Variants in ZNF536 observed in about 807,000 individuals in gnomAD.
ZNF536 encodes zinc finger protein 536.
ZNF536 carries 13 observed loss-of-function variants against 84.5 expected under a neutral mutation model. The observed-to-expected ratio is 0.15, with a 90% CI of 0.10 to 0.24. The LOEUF is 0.24. ZNF536 is among the 10% of genes least tolerant of loss of function. ZNF536 has a pLI of 1.00. For synonymous variants in ZNF536, 811 were observed against 742.5 expected (o/e 1.09, Z -1.50); for missense variants, 1,536 against 1,747.5 (o/e 0.88, Z 2.16).
chr19:30,661,359 A>G (rs1288668387), intron 1 of ZNF536, among the ~76,000 whole-genome samples: 1 of 152,212 alleles, frequency 6.6e-6, no homozygotes, highest in Non-Finnish European at 1.5e-5. Flanking sequence ...GATATAAGTC[A>G]GCAGATGCAA....
At chr19:30,686,585 C>T (rs1205366849) in intron 1 of ZNF536, among the ~76,000 whole-genome samples, 1 of 152,222 alleles carries the variant, frequency 6.6e-6, no homozygotes, top group Non-Finnish European at 1.5e-5. Context: ...GCCTGCTCTT[C>T]GTCCTCCCTC....
intron 1 of ZNF536, among the ~76,000 whole-genome samples, chr19:30,404,734 C>A (rs8111314): frequency 7.9e-5 from 12 of 151,296 alleles, no homozygotes; most frequent in African/African-American, 2.4e-4. Context: ...TGTCCGGAGG[C>A]GGGGGGGCTC....
At chr19:30,635,168 T>G (rs1360548926) in intron 1 of ZNF536, among the ~76,000 whole-genome samples, 1 of 152,092 alleles carries the variant, frequency 6.6e-6, no homozygotes, top group Admixed American at 6.5e-5. Flanking sequence ...CTTGTCTGGT[T>G]TGCCAAACGT....
chr19:30,228,800 G>T lies in ZNF536; in HGVS notation c.-190+127G>T, dbSNP rs1373085710. ...GGGCGGCTGGGCGGCTGGGCGGCGGGAGGACGGCCTCCGCGGGCTCCGGGA... is the reference window on the plus strand; with the variant it reads ...GGGCGGCTGGGCGGCTGGGCGGCGGTAGGACGGCCTCCGCGGGCTCCGGGA... On this transcript the variant is annotated intron_variant, in intron 1 of 5. Coordinates refer to the ZNF536 transcript ENST00000585628. The surrounding 1 kb of genome is among the most constrained non-coding windows in gnomAD (Gnocchi z 4.5). 2.6e-5 allele frequency: 4 copies of T among 151,210 alleles called. No homozygotes were observed. The highest frequency in any genetic ancestry group is 5.9e-5 in the Non-Finnish European group (4 of 67,764). The allele number at this position is 151,210 out of a possible 1,614,324, so 9.4% of individuals were successfully genotyped here.
intron 2 of ZNF536, among the ~76,000 whole-genome samples, chr19:30,481,961 C>T (rs768402415): frequency 6.6e-6 from 1 of 152,212 alleles, no homozygotes; most frequent in South Asian, 2.1e-4. Flanking sequence ...GAATAATGGC[C>T]TCCAACTTCA....
rs201226856 is a variant in ZNF536, at chr19:30,432,911, C to CT, written c.-2-10644dup. Among the ~76,000 whole-genome samples the CT allele has an allele frequency of 6.1e-4, 93 of 152,236 alleles. No individual in the cohort carries two copies. In the East Asian group the frequency reaches 0.014, roughly 23 times the overall value. The stretch of plus-strand genomic sequence containing the variant: ...GTCTTAGGACCTCAGCCGTTGGCGT[C>CT]TTTTTTATAGGAACCTGGTAGAAGG... On this transcript the variant is annotated intron_variant, in intron 1 of 4. Coordinates refer to ENST00000355537, the MANE Select transcript of ZNF536 (RefSeq NM_014717.3).
chr19:30,367,525 T>C (rs2048475148), upstream of ZNF536, among the ~76,000 whole-genome samples: 1 of 152,150 alleles, frequency 6.6e-6, no homozygotes, highest in Admixed American at 6.5e-5. Flanking sequence ...GCCCCATGCA[T>C]GGCAAAGCCC....
intron 1 of ZNF536, among the ~76,000 whole-genome samples, chr19:30,614,587 A>G (rs2048216341): frequency 6.6e-6 from 1 of 152,038 alleles, no homozygotes; most frequent in African/African-American, 2.4e-5. Flanking sequence ...CATATCTTTA[A>G]TTATGAGTGA....
intron 1 of ZNF536, among the ~76,000 whole-genome samples, chr19:30,588,513 C>T (rs1010139137): frequency 5.3e-5 from 8 of 152,140 alleles, no homozygotes; most frequent in Non-Finnish European, 8.8e-5. Context: ...GTGAGGGGAC[C>T]ACTCACACAG....
chr19:30,413,232 A>G (rs750860754), intron 1 of ZNF536, among the ~76,000 whole-genome samples: 37 of 152,096 alleles, frequency 2.4e-4, no homozygotes, highest in Non-Finnish European at 4.6e-4. Flanking sequence ...GTCTGCTCTT[A>G]TTTTTATGAA....
intron 1 of ZNF536, among the ~76,000 whole-genome samples, chr19:30,440,560 C>T (rs118002439): frequency 0.011 from 1,733 of 152,324 alleles, 12 homozygotes; most frequent in Non-Finnish European, 0.016. Context: ...CCAAGACAGA[C>T]ATATCCTCTG....
intron 1 of ZNF536, among the ~76,000 whole-genome samples, chr19:30,429,539 C>G (rs747318509): frequency 5.9e-5 from 9 of 152,290 alleles, no homozygotes; most frequent in Non-Finnish European, 7.4e-5. Flanking sequence ...GCACCAGGCA[C>G]TAAGGAGACA....
At chr19:30,374,337 C>G (rs955268852) in intron 1 of ZNF536, among the ~76,000 whole-genome samples, 1 of 151,896 alleles carries the variant, frequency 6.6e-6, no homozygotes, top group African/African-American at 2.4e-5. Context: ...ATCTTTTAGT[C>G]TAGCACCGTA....
At chr19:30,413,398 G>C (rs1264665435) in intron 1 of ZNF536, among the ~76,000 whole-genome samples, 2 of 152,052 alleles carry the variant, frequency 1.3e-5, no homozygotes, top group Admixed American at 1.3e-4. Context: ...CCACATCCTA[G>C]AATTTTTATT....
chr19:30,656,232 C>G lies in ZNF536; in HGVS notation c.170-54525C>G, dbSNP rs181552687. On this transcript the variant is annotated intron_variant, in intron 1 of 1. Coordinates refer to the ZNF536 transcript ENST00000592773. Reference sequence around the variant, plus strand: ...ATTGCCTGGTCTTCTGAATTGGGAACTACTTAGAATATAACAGCTGTGCTT... The same window carrying G: ...ATTGCCTGGTCTTCTGAATTGGGAAGTACTTAGAATATAACAGCTGTGCTT... Among the ~76,000 whole-genome samples the G allele has an allele frequency of 2.6e-5, 4 of 152,260 alleles. No homozygotes were observed. The East Asian group carries it at 5.8e-4, about 22-fold the overall frequency.
rs2148229938 is a variant in ZNF536, at chr19:30,445,568, A to G, written c.2006A>G (p.Asp669Gly). 6.2e-7 allele frequency: 1 copy of G among 1,613,370 alleles called. No individual in the cohort carries two copies. The highest frequency in any genetic ancestry group is 8.5e-7 in the Non-Finnish European group (1 of 1,179,738). Residue 669 changes from aspartate to glycine, a missense_variant, in exon 2 of 5, where the codon GAT (aspartate) becomes GGT (glycine). By Grantham distance (94) the Asp-to-Gly change is moderately conservative (BLOSUM62 -1). Transcript: ENST00000355537. The surrounding 1 kb of genome is among the most constrained non-coding windows in gnomAD (Gnocchi z 4.5). The stretch of plus-strand genomic sequence containing the variant: ...GAGGATGGGCTGCACGTGGGCCTGG[A>G]TGAGCGGCGTGGCTCGGGCAGTGAC... ...GEEDGLHVGL[D>G]ERRGSGSDQE...
intron 2 of ZNF536, among the ~76,000 whole-genome samples, chr19:30,300,828 G>T (rs554338662): frequency 6.6e-6 from 1 of 151,678 alleles, no homozygotes; most frequent in Non-Finnish European, 1.5e-5. Flanking sequence ...TGGACCCAGC[G>T]CTTATAGTAC....
intron 1 of ZNF536, among the ~76,000 whole-genome samples, chr19:30,247,776 C>T (rs2024364298): frequency 6.6e-6 from 1 of 152,208 alleles, no homozygotes; most frequent in South Asian, 2.1e-4. Flanking sequence ...CTGTAGTGAG[C>T]TGTGATCAAG....
At chr19:30,252,727 A>G (rs958050190) in intron 1 of ZNF536, among the ~76,000 whole-genome samples, 1 of 152,214 alleles carries the variant, frequency 6.6e-6, no homozygotes, top group Non-Finnish European at 1.5e-5. Flanking sequence ...GTTGGAGACC[A>G]AGATTAGATC....
Sources: gnomAD v4.1 joint callset for allele counts (sites outside exome capture counted in the v4.1 genomes callset) on GRCh38, gnomAD v4.1.1 for gene constraint, Gnocchi (gnomAD v3.1) non-coding constraint, MANE v1.5 for transcripts, NCBI Gene and HGNC (gene_info 2026-07-23, HGNC 2026-07-21) for gene names.